The following ELK3 variants were observed in gnomAD, a reference collection of about 807,000 sequenced individuals.
The protein encoded by ELK3 is ETS transcription factor ELK3, also known as ETS domain-containing protein Elk-3.
Under a neutral mutation model 28.9 loss-of-function variants are expected in ELK3, and 10 were observed. That is an observed-to-expected ratio of 0.35 (90% CI 0.21 to 0.59). The LOEUF is 0.59. ELK3 is among the 20% of genes least tolerant of loss of function. ELK3 has a pLI of 0.82. For synonymous variants in ELK3, 272 were observed against 243.5 expected (o/e 1.12, Z -1.09); for missense variants, 463 against 517.3 (o/e 0.90, Z 1.02).
At chr12:96,253,260 T>G (rs1423379129) in intron 3 of ELK3, among the ~76,000 whole-genome samples, 1 of 152,116 alleles carries the variant, frequency 6.6e-6, no homozygotes, top group Non-Finnish European at 1.5e-5. Flanking sequence ...AACTCGCATC[T>G]CACCAAAAAA....
intron 4 of ELK3, among the ~76,000 whole-genome samples, chr12:96,264,190 G>T (rs963557243): frequency 6.6e-6 from 1 of 152,102 alleles, no homozygotes; most frequent in African/African-American, 2.4e-5. Flanking sequence ...TCACTATATT[G>T]CTCAGGCTGG....
rs1184734610 is a variant in ELK3 at position 96,194,529 on chromosome 12, A to AT, written c.-179_-178insT. The AT allele has an allele frequency of 6.0e-5, 9 of 150,494 alleles. No homozygotes were observed. The East Asian group carries it at 1.8e-3, about 30-fold the overall frequency. The allele number at this position is 150,494 out of a possible 1,614,324, so 9.3% of individuals were successfully genotyped here. A position where few individuals can be genotyped will look rare whatever the true frequency, so the allele number is the denominator to read the frequency against. On this transcript the variant is annotated 5_prime_UTR_variant, in exon 1 of 5. Transcript: ENST00000228741. ...CTGACTGCTCCAACTTCCTGCTCTC[A>AT]CACACACCAGAGGGGAAAAAAAAAG...
chr12:96,204,782 A>G (rs1951529475), intron 1 of ELK3, among the ~76,000 whole-genome samples: 1 of 152,210 alleles, frequency 6.6e-6, no homozygotes, highest in Non-Finnish European at 1.5e-5. Context: ...GGAGGTGTAA[A>G]TGTTAGAATG....
chr12:96,236,117 C>T (rs1467768316), intron 2 of ELK3, among the ~76,000 whole-genome samples: 1 of 152,202 alleles, frequency 6.6e-6, no homozygotes, highest in African/African-American at 2.4e-5. Flanking sequence ...TAAGCCACCA[C>T]CCCGCCTGAG....
At chr12:96,244,516 C>A (rs1257422268) in intron 2 of ELK3, among the ~76,000 whole-genome samples, 2 of 148,386 alleles carry the variant, frequency 1.3e-5, no homozygotes, top group East Asian at 4.0e-4. Context: ...TGATTCAGAT[C>A]CTTTTTCTTC....
chr12:96,204,948 G>A (rs1268741864), intron 1 of ELK3, among the ~76,000 whole-genome samples: 1 of 152,226 alleles, frequency 6.6e-6, no homozygotes, highest in Non-Finnish European at 1.5e-5. Context: ...CAGATGAAAG[G>A]GCTATGCCCT....
At chr12:96,206,911 C>A (rs187567997) in intron 1 of ELK3, among the ~76,000 whole-genome samples, 87 of 152,144 alleles carry the variant, frequency 5.7e-4, no homozygotes, top group Non-Finnish European at 1.1e-3. Context: ...TTGGTCTGCC[C>A]CTCGATGACA....
intron 2 of ELK3, among the ~76,000 whole-genome samples, chr12:96,234,609 T>C (rs939009079): frequency 5.9e-5 from 9 of 152,206 alleles, no homozygotes; most frequent in African/African-American, 1.9e-4. Flanking sequence ...AAAAAAGAGA[T>C]GCTTACGTGT....
chr12:96,202,464 C>A (rs939227136), intron 1 of ELK3, among the ~76,000 whole-genome samples: 1 of 151,636 alleles, frequency 6.6e-6, no homozygotes, highest in Admixed American at 6.6e-5. Flanking sequence ...CCTTTCCTGT[C>A]ACCTAGAGTA....
At chr12:96,219,233 T>C (rs966520219) in intron 1 of ELK3, among the ~76,000 whole-genome samples, 1 of 152,226 alleles carries the variant, frequency 6.6e-6, no homozygotes, top group African/African-American at 2.4e-5. Flanking sequence ...ATGGGCTTTA[T>C]TGTACCTGCC....
chr12:96,225,426 C>G (rs142586560), intron 2 of ELK3, among the ~76,000 whole-genome samples: 1 of 152,320 alleles, frequency 6.6e-6, no homozygotes, highest in Non-Finnish European at 1.5e-5. Context: ...TAGACTATAT[C>G]TTATCTCCCT....
chr12:96,248,213 C>A (rs143037258), intron 3 of ELK3, among the ~76,000 whole-genome samples: 1 of 152,102 alleles, frequency 6.6e-6, no homozygotes, highest in Non-Finnish European at 1.5e-5. Context: ...GTGGTCATAG[C>A]GTAGGTAATA....
chr12:96,194,397 G>A lies in ELK3; in HGVS notation c.-311G>A, dbSNP rs1951445336. 1.4e-5 allele frequency: 2 copies of A among 147,270 alleles called. No homozygotes were observed. The highest frequency in any genetic ancestry group is 4.9e-5 in the African/African-American group (2 of 41,026). 9.1% of individuals were successfully genotyped at this position (147,270 alleles called of 1,614,324 possible). On this transcript the variant is annotated 5_prime_UTR_variant, in exon 1 of 5. Transcript: ENST00000228741. ...GGCGCGGGCCTGGGCGGCCAGCCCC[G>A]GCGCACAGCCGCGGCCGGGGCGCGC...
chr12:96,215,940 CTG>C (rs951582579), intron 1 of ELK3, among the ~76,000 whole-genome samples: 1 of 152,204 alleles, frequency 6.6e-6, no homozygotes, highest in Non-Finnish European at 1.5e-5. Flanking sequence ...AGCCTCAAAA[CTG>C]TTTTCATAAC....
At position 96,250,871 on chromosome 12, in the gene ELK3, G is replaced by A. The variant is rs78752254; in HGVS notation, c.1002+3137G>A. On this transcript the variant is annotated intron_variant, in intron 3 of 4. Transcript: ENST00000228741. ...CCGATACCCTGAAGGTACAAATTCC[G>A]AAGGTTGGTTATTTCCAGCTAGAAT... 4.3e-3 allele frequency among the ~76,000 whole-genome samples: 659 copies of A among 152,290 alleles called. 6 individuals are homozygous for A. The highest frequency in any genetic ancestry group is 0.015 in the African/African-American group (623 of 41,566).
chr12:96,259,688 C>T (rs1489347055), intron 3 of ELK3, 43 bp from the exon 4 acceptor site: 1 of 1,576,026 alleles, frequency 6.3e-7, no homozygotes, highest in Non-Finnish European at 8.6e-7. Context: ...TGGCCCAAGT[C>T]AGGTGAACCT....
intron 1 of ELK3, among the ~76,000 whole-genome samples, chr12:96,197,728 T>G (rs979556053): frequency 6.6e-6 from 1 of 152,208 alleles, no homozygotes; most frequent in Non-Finnish European, 1.5e-5. Flanking sequence ...AGCAGTGATT[T>G]GCCAGCTCCA....
chr12:96,254,251 G>C (rs978133874), intron 3 of ELK3, among the ~76,000 whole-genome samples: 1 of 152,154 alleles, frequency 6.6e-6, no homozygotes, highest in South Asian at 2.1e-4. Context: ...CTTGAACCCG[G>C]GAGGCAGAGG....
intron 1 of ELK3, among the ~76,000 whole-genome samples, chr12:96,195,263 G>A (rs979785848): frequency 6.6e-6 from 1 of 151,810 alleles, no homozygotes. Context: ...GAGGACATGG[G>A]TCGCGAAGGT....
Sources: allele counts gnomAD v4.1 joint callset (sites outside exome capture counted in the v4.1 genomes callset), GRCh38; gene constraint gnomAD v4.1.1; transcripts MANE v1.5; gene names NCBI Gene and HGNC (gene_info 2026-07-23, HGNC 2026-07-21).